WWP1: variants seen among roughly 807,000 people sequenced by gnomAD.
WWP1 encodes the protein WW domain containing E3 ubiquitin protein ligase 1, also known as NEDD4-like E3 ubiquitin-protein ligase WWP1.
A neutral mutation model predicts 130.6 loss-of-function variants in WWP1; 49 were observed. That is an observed-to-expected ratio of 0.38 (90% CI 0.30 to 0.48). WWP1 has a LOEUF of 0.48. WWP1 is among the 20% of genes least tolerant of loss of function. The probability of loss-of-function intolerance (pLI) is 0.99; values close to 1 mark genes in which losing one functional copy is unlikely to be tolerated. For missense variants in WWP1, 809 were observed against 1,100.6 expected (o/e 0.74, Z 3.75); for synonymous variants, 332 against 367.8 (o/e 0.90, Z 1.11).
chr8:86,427,535 G>C, intron 10 of WWP1, 108 bp from the exon 11 acceptor site: 1 of 1,163,790 alleles, frequency 8.6e-7, no homozygotes, highest in East Asian at 2.6e-5. Context: ...ATATGTTTTA[G>C]TTATTTTAAC....
intron 5 of WWP1, among the ~76,000 whole-genome samples, 152 bp from the exon 6 acceptor site, chr8:86,398,188 AAG>A (rs1807784517): frequency 6.6e-6 from 1 of 152,220 alleles, no homozygotes; most frequent in African/African-American, 2.4e-5. Context: ...TTGAGGGGGA[AAG>A]AGGAATTACT....
At chr8:86,428,798 G>GTA (rs1809772661) in intron 11 of WWP1, among the ~76,000 whole-genome samples, 1 of 151,988 alleles carries the variant, frequency 6.6e-6, no homozygotes, top group Admixed American at 6.6e-5. Context: ...ATACCGTGTG[G>GTA]TATATATAGT....
At chr8:86,435,743 CATT>C in intron 16 of WWP1, 39 bp downstream of exon 16, 1 of 1,586,876 alleles carries the variant, frequency 6.3e-7, no homozygotes, top group Non-Finnish European at 8.6e-7. Context: ...CCATTTGTCT[CATT>C]GTATTCTGTG....
At chr8:86,370,855 C>CA (rs1824247497) in intron 2 of WWP1, among the ~76,000 whole-genome samples, 1 of 44,862 alleles carries the variant, frequency 2.2e-5, no homozygotes, top group Non-Finnish European at 3.8e-5. Flanking sequence ...TATATTCATT[C>CA]TTTTTTTTTT....
intron 18 of WWP1, 62 bp downstream of exon 18, chr8:86,442,840 TTAA>T: frequency 4.3e-6 from 6 of 1,400,296 alleles, no homozygotes; most frequent in Admixed American, 3.0e-5. Context: ...GAGAAGGCTT[TTAA>T]AAAAAAAAAA....
At chr8:86,400,972 C>T (rs1326283048) in intron 7 of WWP1, among the ~76,000 whole-genome samples, 2 of 150,862 alleles carry the variant, frequency 1.3e-5, no homozygotes, top group Non-Finnish European at 3.0e-5. Flanking sequence ...CTCTCCTGGT[C>T]ACTTACATGA....
In WWP1 at chr8:86,467,206, G is replaced by A. The variant is rs532455262; in HGVS notation, c.*313G>A. On this transcript the variant is annotated 3_prime_UTR_variant, in exon 25 of 25. Coordinates refer to ENST00000517970, the MANE Select transcript of WWP1 (RefSeq NM_007013.4). Reference sequence around the variant, plus strand: ...GCTCTAGTTTTATAGAGCTCCAAGTGTATTAAACATGACAGCCATTCATTC... The same window carrying A: ...GCTCTAGTTTTATAGAGCTCCAAGTATATTAAACATGACAGCCATTCATTC... The A allele has an allele frequency of 1.6e-5, 3 of 182,058 alleles. No homozygotes were observed. The South Asian group carries it at 4.0e-4, about 24-fold the overall frequency. The allele number at this position is 182,058 out of a possible 1,614,324, so 11.3% of individuals were successfully genotyped here.
intron 9 of WWP1, among the ~76,000 whole-genome samples, chr8:86,420,680 G>A (rs2130616532): frequency 6.6e-6 from 1 of 152,228 alleles, no homozygotes; most frequent in Non-Finnish European, 1.5e-5. Flanking sequence ...GTTGCCTTGG[G>A]GAGTGGAAAA....
chr8:86,380,268 A>G (rs983360238), intron 3 of WWP1, among the ~76,000 whole-genome samples: 15 of 152,262 alleles, frequency 9.9e-5, no homozygotes, highest in African/African-American at 2.9e-4. Flanking sequence ...CCCACATTAT[A>G]TGATTCCATC....
intron 9 of WWP1, among the ~76,000 whole-genome samples, chr8:86,418,926 G>A (rs1237490155): frequency 1.1e-4 from 17 of 152,082 alleles, no homozygotes; most frequent in Non-Finnish European, 2.9e-5. Context: ...CCAAAACACT[G>A]AAAATACTAA....
At chr8:86,390,251 C>G (rs11777810) in intron 5 of WWP1, among the ~76,000 whole-genome samples, 1 of 149,394 alleles carries the variant, frequency 6.7e-6, no homozygotes, top group African/African-American at 2.5e-5. Context: ...TCCCAGACGA[C>G]GGGCGGCCAG....
chr8:86,360,460 T>C (rs1260299076), intron 1 of WWP1, among the ~76,000 whole-genome samples: 5 of 152,234 alleles, frequency 3.3e-5, no homozygotes, highest in Non-Finnish European at 7.3e-5. Flanking sequence ...TCCTGCCTGC[T>C]GTCCAGACTG....
chr8:86,442,529 G>T, intron 17 of WWP1, 90 bp from the exon 18 acceptor site: 1 of 1,220,792 alleles, frequency 8.2e-7, no homozygotes. Context: ...CTGTTGAGCA[G>T]AGGTATGATG....
intron 18 of WWP1, 42 bp from the exon 19 acceptor site, chr8:86,448,106 A>G (rs199523467): frequency 6.9e-4 from 1,049 of 1,510,610 alleles, no homozygotes; most frequent in Non-Finnish European, 8.8e-4. Context: ...AGAAATTGTT[A>G]TTTTGCAAAT....
chr8:86,461,559 G>A (rs1388936561), intron 23 of WWP1: 4 of 625,756 alleles, frequency 6.4e-6, no homozygotes, highest in East Asian at 2.7e-5. Flanking sequence ...TGAAGGGAGC[G>A]ACATTCTGTA....
chr8:86,412,018 G>T, intron 9 of WWP1, 144 bp downstream of exon 9: 1 of 807,676 alleles, frequency 1.2e-6, no homozygotes, highest in Non-Finnish European at 1.9e-6. Flanking sequence ...TTATTTACTT[G>T]CTACAAAACA....
intron 3 of WWP1, 38 bp from the exon 4 acceptor site, chr8:86,380,688 G>T: frequency 1.9e-6 from 3 of 1,568,974 alleles, no homozygotes; most frequent in South Asian, 2.4e-5. Flanking sequence ...ACTACTTTTT[G>T]GCAACACATA....
At position 86,360,159 on chromosome 8, in the gene WWP1, A is replaced by G. The variant is rs574441272; in HGVS notation, c.-114-8780A>G. Among the ~76,000 whole-genome samples, 3 of 152,126 alleles carry G rather than the reference A, an allele frequency of 2.0e-5. No individual in the cohort carries two copies. The South Asian group carries it at 6.2e-4, about 32-fold the overall frequency. ...CTCCGTCTCAAAAAAAAAACAAAAAACCAAACCAAACCAATCCTCTAAACA... is the reference window on the plus strand; with the variant it reads ...CTCCGTCTCAAAAAAAAAACAAAAAGCCAAACCAAACCAATCCTCTAAACA... On this transcript the variant is annotated intron_variant, in intron 1 of 24. Transcript: ENST00000517970.
chr8:86,390,539 CA>C (rs1247941079), intron 5 of WWP1, among the ~76,000 whole-genome samples: 1 of 152,146 alleles, frequency 6.6e-6, no homozygotes, highest in African/African-American at 2.4e-5. Context: ...CCAAAAAATA[CA>C]AAAACCAGTC....
Sources: allele counts gnomAD v4.1 joint callset (sites outside exome capture counted in the v4.1 genomes callset), GRCh38; gene constraint gnomAD v4.1.1; transcripts MANE v1.5; gene names NCBI Gene and HGNC (gene_info 2026-07-23, HGNC 2026-07-21).